The following HS3ST4 variants were observed in gnomAD, a reference collection of about 807,000 sequenced individuals.
The protein encoded by HS3ST4 is heparan sulfate glucosamine 3-O-sulfotransferase 4.
A neutral mutation model predicts 29.2 loss-of-function variants in HS3ST4; 17 were observed. The ratio of observed to expected loss-of-function variants is 0.58; its 90% CI spans 0.40 to 0.87. The LOEUF (loss-of-function observed/expected upper bound fraction) is 0.87. Ranked by LOEUF, HS3ST4 falls within the 40% of genes least tolerant of loss-of-function variation. HS3ST4 has a pLI of 0.00. For synonymous variants in HS3ST4, 314 were observed against 285.7 expected (o/e 1.10, Z -1.00); for missense variants, 627 against 634.5 (o/e 0.99, Z 0.13).
intron 1 of HS3ST4, among the ~76,000 whole-genome samples, chr16:25,926,214 T>A (rs549187289): frequency 5.8e-4 from 88 of 152,244 alleles, no homozygotes; most frequent in Middle Eastern, 3.4e-3. Context: ...CCTCTGTAAA[T>A]CAATCCCTAT....
chr16:25,808,087 A>G (rs1333512208), intron 1 of HS3ST4, among the ~76,000 whole-genome samples: 3 of 152,052 alleles, frequency 2.0e-5, no homozygotes, highest in Non-Finnish European at 2.9e-5. Flanking sequence ...TTGTCTTTTT[A>G]TGCTCTTATT....
intron 1 of HS3ST4, among the ~76,000 whole-genome samples, chr16:25,966,403 G>A (rs1968843533): frequency 6.6e-6 from 1 of 152,180 alleles, no homozygotes; most frequent in Admixed American, 6.5e-5. Flanking sequence ...CAGCCCATTA[G>A]TGTGGCTGTG....
chr16:25,862,376 A>G (rs1967646931), intron 1 of HS3ST4, among the ~76,000 whole-genome samples: 1 of 152,060 alleles, frequency 6.6e-6, no homozygotes, highest in South Asian at 2.1e-4. Context: ...TAGTTTTAGT[A>G]GAAACGGGGT....
At chr16:26,032,591 T>G in intron 1 of HS3ST4, 1 of 1,375,676 alleles carries the variant, frequency 7.3e-7, no homozygotes, top group African/African-American at 1.4e-5. Context: ...TGTTTTGGCA[T>G]CTCCATTTTC....
chr16:25,731,929 C>T (rs1034049406), intron 1 of HS3ST4, among the ~76,000 whole-genome samples: 3 of 152,180 alleles, frequency 2.0e-5, no homozygotes, highest in South Asian at 2.1e-4. Context: ...AGTGAGCAGA[C>T]GATTTGTTAG....
chr16:25,764,141 T>C (rs1398954090), intron 1 of HS3ST4, among the ~76,000 whole-genome samples: 1 of 152,082 alleles, frequency 6.6e-6, no homozygotes, highest in Non-Finnish European at 1.5e-5. Context: ...GGAGCAGGTG[T>C]GTGCGGGAAG....
chr16:25,841,850 C>T (rs1596587883), intron 1 of HS3ST4, among the ~76,000 whole-genome samples: 1 of 152,228 alleles, frequency 6.6e-6, no homozygotes, highest in Admixed American at 6.5e-5. Flanking sequence ...GTCTTAAACC[C>T]AGAGCTGTAA....
At chr16:25,874,824 A>G (rs1167865217) in intron 1 of HS3ST4, among the ~76,000 whole-genome samples, 1 of 152,166 alleles carries the variant, frequency 6.6e-6, no homozygotes, top group Non-Finnish European at 1.5e-5. Flanking sequence ...CTCTGGAGCC[A>G]TGTAGTTTTG....
chr16:26,079,120 A>G (rs1391228874), intron 1 of HS3ST4, among the ~76,000 whole-genome samples: 10 of 152,204 alleles, frequency 6.6e-5, no homozygotes, highest in Admixed American at 6.5e-4. Context: ...GCCACTGTCA[A>G]CATTTCACTC....
At chr16:25,740,469 T>G (rs148455629) in intron 1 of HS3ST4, among the ~76,000 whole-genome samples, 30 of 152,290 alleles carry the variant, frequency 2.0e-4, no homozygotes, top group Middle Eastern at 3.4e-3. Context: ...GATCCTAGTT[T>G]CTAAGTGACT....
chr16:25,745,063 G>A (rs563083676), intron 1 of HS3ST4, among the ~76,000 whole-genome samples: 6 of 152,100 alleles, frequency 3.9e-5, no homozygotes, highest in Non-Finnish European at 7.3e-5. Flanking sequence ...TTTCATGAAA[G>A]TCTTGAAAAC....
At chr16:26,100,886 T>C (rs955344238) in intron 1 of HS3ST4, among the ~76,000 whole-genome samples, 1 of 152,150 alleles carries the variant, frequency 6.6e-6, no homozygotes, top group Non-Finnish European at 1.5e-5. Flanking sequence ...ATTATCTCCA[T>C]TTTGCAGATG....
intron 1 of HS3ST4, among the ~76,000 whole-genome samples, chr16:25,892,444 G>A (rs1277405927): frequency 1.3e-5 from 2 of 152,186 alleles, no homozygotes; most frequent in Non-Finnish European, 2.9e-5. Flanking sequence ...CTGGAACTAA[G>A]CCATGTTAAG....
chr16:26,052,016 A>G (rs1232552420), intron 1 of HS3ST4, among the ~76,000 whole-genome samples: 1 of 151,534 alleles, frequency 6.6e-6, no homozygotes, highest in Non-Finnish European at 1.5e-5. Context: ...AAAGCCAGCC[A>G]TGAAATCTAA....
At chr16:25,814,776 A>G (rs1967076989) in intron 1 of HS3ST4, among the ~76,000 whole-genome samples, 1 of 152,226 alleles carries the variant, frequency 6.6e-6, no homozygotes, top group African/African-American at 2.4e-5. Context: ...TTCCACAGCT[A>G]CAAGATCTGC....
At chr16:25,901,685 A>T (rs1244804023) in intron 1 of HS3ST4, among the ~76,000 whole-genome samples, 1 of 62,238 alleles carries the variant, frequency 1.6e-5, no homozygotes, top group Admixed American at 1.5e-4. Flanking sequence ...GAAGAAAAAA[A>T]ATGCTCTCTC....
At chr16:25,771,066 G>A (rs1279264245) in intron 1 of HS3ST4, among the ~76,000 whole-genome samples, 1 of 151,880 alleles carries the variant, frequency 6.6e-6, no homozygotes, top group Non-Finnish European at 1.5e-5. Flanking sequence ...GTGGTTTGCT[G>A]CACCTATCAA....
intron 1 of HS3ST4, among the ~76,000 whole-genome samples, chr16:26,092,297 G>A (rs558610388): frequency 2.0e-5 from 3 of 152,270 alleles, no homozygotes; most frequent in African/African-American, 7.2e-5. Context: ...AGCTCTGTTT[G>A]GCTTACAGAG....
intron 1 of HS3ST4, among the ~76,000 whole-genome samples, chr16:26,017,755 C>T (rs1969374707): frequency 6.6e-6 from 1 of 152,082 alleles, no homozygotes; most frequent in Non-Finnish European, 1.5e-5. Flanking sequence ...ATTTTGCAGT[C>T]CCCTGATGAA....
Sources: allele counts gnomAD v4.1 joint callset (sites outside exome capture counted in the v4.1 genomes callset), GRCh38; gene constraint gnomAD v4.1.1; transcripts MANE v1.5; gene names NCBI Gene and HGNC (gene_info 2026-07-23, HGNC 2026-07-21).